The following CACNA1G variants were observed in gnomAD, a reference collection of about 807,000 sequenced individuals.
CACNA1G encodes the protein calcium voltage-gated channel subunit alpha1 G.
CACNA1G carries 67 observed loss-of-function variants against 219.4 expected under a neutral mutation model. The observed-to-expected ratio is 0.31, with a 90% CI of 0.25 to 0.37. CACNA1G has a LOEUF of 0.37. CACNA1G is among the 10% of genes least tolerant of loss of function. The pLI is 1.00. For missense variants in CACNA1G, 2,380 were observed against 3,231.4 expected, an observed-to-expected ratio of 0.74 and a Z score of 6.39; for synonymous variants, 1,296 against 1,345.3, an observed-to-expected ratio of 0.96 and a Z score of 0.80.
At chr17:50,615,661 G>T (rs1436048081) in intron 27 of CACNA1G, 149 bp downstream of exon 27, 2 of 791,250 alleles carry the variant, frequency 2.5e-6, no homozygotes, top group African/African-American at 3.5e-5. Flanking sequence ...TTGGAGGTGG[G>T]TATCATCTTT....
At chr17:50,604,611 G>C (rs990351281) in intron 22 of CACNA1G, among the ~76,000 whole-genome samples, 1 of 152,192 alleles carries the variant, frequency 6.6e-6, no homozygotes, top group Non-Finnish European at 1.5e-5. Flanking sequence ...CTTCCTTCCC[G>C]GCTCGAGCAC....
chr17:50,578,104 T>G lies in CACNA1G; in HGVS notation c.1925-84T>G. ...ATCACTGTAACAACCCCAGACTCCCTGACTCATTTTACACATACTCACAGG... is the reference window on the plus strand; with the variant it reads ...ATCACTGTAACAACCCCAGACTCCCGGACTCATTTTACACATACTCACAGG... On this transcript the variant is annotated intron_variant, in intron 8 of 37. Transcript: ENST00000359106. The surrounding 1 kb of genome is among the most constrained non-coding windows in gnomAD (Gnocchi z 4.5). 1 of 1,458,092 alleles carries G rather than the reference T, an allele frequency of 6.9e-7. No individual in the cohort carries two copies. The highest frequency in any genetic ancestry group is 9.1e-7 in the Non-Finnish European group (1 of 1,102,546). The allele number at this position is 1,458,092 out of a possible 1,614,324, so 90.3% of individuals were successfully genotyped here. A position where few individuals can be genotyped will look rare whatever the true frequency, so the allele number is the denominator to read the frequency against.
Position 50,590,636 on chromosome 17 carries a change from C to T in CACNA1G, c.2453+14C>T, listed in dbSNP as rs763497269. On this transcript the variant is annotated intron_variant, in intron 10 of 37. Coordinates refer to ENST00000359106, the MANE Select transcript of CACNA1G (RefSeq NM_018896.5). ...TGTGGTCATCAGGTATGACTACCCCCCGGCACTGACTCTCAGTTGAGGAAT... is the reference window on the plus strand; with the variant it reads ...TGTGGTCATCAGGTATGACTACCCCTCGGCACTGACTCTCAGTTGAGGAAT... The T allele has an allele frequency of 1.9e-6, 3 of 1,608,234 alleles. No individual in the cohort carries two copies. The highest frequency in any genetic ancestry group is 2.5e-6 in the Non-Finnish European group (3 of 1,178,050).
chr17:50,568,627 C>T (rs2038573555), intron 1 of CACNA1G, among the ~76,000 whole-genome samples: 1 of 152,168 alleles, frequency 6.6e-6, no homozygotes, highest in Non-Finnish European at 1.5e-5. Context: ...GTATTTGTGG[C>T]TTGTCTTCCT....
rs192075804 is a variant in CACNA1G at position 50,614,585 on chromosome 17, G to A, written c.4760-776G>A. ...CATAACTAAGTGGTTCACTAATTACGAGAGAAATATTATGCCTCTGACAGA... is the reference window on the plus strand; with the variant it reads ...CATAACTAAGTGGTTCACTAATTACAAGAGAAATATTATGCCTCTGACAGA... On this transcript the variant is annotated intron_variant, in intron 26 of 37. Transcript: ENST00000359106. Among the ~76,000 whole-genome samples the A allele has an allele frequency of 5.2e-4, 79 of 152,344 alleles. 1 individual carries two copies. Among genetic ancestry groups the A allele is most frequent in the African/African-American group, 1.7e-3 (70 of 41,574 alleles).
intron 35 of CACNA1G, among the ~76,000 whole-genome samples, chr17:50,623,263 A>ATTTTTTTTTTTT (rs35058899): frequency 2.0e-5 from 1 of 50,978 alleles, no homozygotes; most frequent in African/African-American, 9.5e-5. Context: ...TATCCAGCTA[A>ATTTTTTTTTTTT]TTTTTTTTTT....
At chr17:50,580,884 C>T (rs895140442) in intron 9 of CACNA1G, among the ~76,000 whole-genome samples, 5 of 152,102 alleles carry the variant, frequency 3.3e-5, no homozygotes, top group Non-Finnish European at 7.4e-5. Flanking sequence ...GCAGGCACTG[C>T]GGCGTGAACG....
chr17:50,617,529 CCCA>C lies in CACNA1G; in HGVS notation c.5117_5119del (p.Thr1706del). On this transcript the variant is annotated inframe_deletion, in exon 29 of 38. Coordinates refer to ENST00000359106, the MANE Select transcript of CACNA1G (RefSeq NM_018896.5). The surrounding 1 kb of genome is among the most constrained non-coding windows in gnomAD (Gnocchi z 5.8). ...GGTCAACGCCTCGCTGCCCATCAAC[CCCA>C]CCATCATCCGCATCATGAGGGTGCT... The C allele has an allele frequency of 6.2e-7, 1 of 1,614,052 alleles. No individual in the cohort carries two copies. The highest frequency in any genetic ancestry group is 8.5e-7 in the Non-Finnish European group (1 of 1,179,896).
chr17:50,573,113 C>T lies in CACNA1G; in HGVS notation c.1140C>T (p.Ile380=), dbSNP rs778924315. The change falls in exon 7 of 38, where the codon ATC becomes ATT. Residue 380 remains isoleucine (I), a splice_region_variant and synonymous_variant. Transcript: ENST00000359106. ...YNFIYFILLI[I]VGSFFMINLC... is the part of the protein sequence containing the mutation. Reference sequence around the variant, plus strand: ...TCATCTACTTCATCCTCCTCATCATCGTGAGTGACTCCTCAGATCCCCGTG... The same window carrying T: ...TCATCTACTTCATCCTCCTCATCATTGTGAGTGACTCCTCAGATCCCCGTG... The T allele has an allele frequency of 3.8e-6, 6 of 1,562,200 alleles. No individual in the cohort carries two copies. Among genetic ancestry groups the T allele is most frequent in the African/African-American group, 2.7e-5 (2 of 73,780 alleles).
intron 9 of CACNA1G, among the ~76,000 whole-genome samples, chr17:50,588,291 A>G (rs2043409571): frequency 1.7e-5 from 1 of 57,362 alleles, no homozygotes; most frequent in Non-Finnish European, 3.2e-5. Flanking sequence ...CTGACTGTCT[A>G]ATATTCTTGG....
chr17:50,568,736 T>C, intron 1 of CACNA1G, 134 bp from the exon 2 acceptor site: 2 of 719,084 alleles, frequency 2.8e-6, no homozygotes, highest in East Asian at 2.7e-5. Context: ...TCTGCGTGTA[T>C]GTCAGGGCCC....
chr17:50,599,795 C>G lies in CACNA1G; in HGVS notation c.3626C>G (p.Ala1209Gly). The change falls in exon 17 of 38, where the codon GCC (alanine) becomes GGC (glycine). Residue 1209 changes from alanine (A) to glycine (G), a missense_variant. Ala to Gly is a moderately conservative substitution (Grantham distance 60, BLOSUM62 0). This residue lies in a region of CACNA1G where 418 missense variants were observed against 434.3 expected (regional missense o/e 0.96). Transcript: ENST00000359106. Reference protein sequence around the residue: ...CNGKSASGRLARALRPDDPPL... With the variant: ...CNGKSASGRLGRALRPDDPPL... ...GGCAAGTCGGCTTCAGGGCGCCTGG[C>G]CCGGGCCCTGCGGCCTGATGACCCC... The G allele has an allele frequency of 1.2e-6, 2 of 1,612,780 alleles. No individual in the cohort carries two copies. The highest frequency in any genetic ancestry group is 8.5e-7 in the Non-Finnish European group (1 of 1,179,866).
rs567494842 is a variant in CACNA1G, at chr17:50,602,679, G to A, written c.3916-141G>A. ...GGCTCTGTGCGTGTATGAGAGGGGC[G>A]TGATCTACATTGTTGTGGAGGGTGG... On this transcript the variant is annotated intron_variant, in intron 19 of 37. Transcript: ENST00000359106. 24 of 694,674 alleles carry A rather than the reference G, an allele frequency of 3.5e-5. No individual in the cohort carries two copies. The East Asian group carries it at 3.8e-4, about 11-fold the overall frequency. The allele number at this position is 694,674 out of a possible 1,614,324, so 43.0% of individuals were successfully genotyped here. A position where few individuals can be genotyped will look rare whatever the true frequency, so the allele number is the denominator to read the frequency against.
At chr17:50,624,667 C>T in intron 37 of CACNA1G, 138 bp downstream of exon 37, 1 of 890,492 alleles carries the variant, frequency 1.1e-6, no homozygotes, top group East Asian at 2.7e-5. Flanking sequence ...TTGCAGATAC[C>T]AGGGACACAG....
At chr17:50,605,824 G>A in intron 22 of CACNA1G, 74 bp from the exon 23 acceptor site, 2 of 1,557,502 alleles carry the variant, frequency 1.3e-6, no homozygotes, top group African/African-American at 1.4e-5. Context: ...GCTGGCGTGG[G>A]GGTGGGGCTC....
At chr17:50,598,063 G>A (rs899940745) in intron 16 of CACNA1G, among the ~76,000 whole-genome samples, 1 of 151,674 alleles carries the variant, frequency 6.6e-6, no homozygotes, top group Non-Finnish European at 1.5e-5. Flanking sequence ...CCGCTCTGTC[G>A]CCCAGGCTGG....
Position 50,615,612 on chromosome 17 carries a change from C to G in CACNA1G, c.4911+100C>G, listed in dbSNP as rs894605176. ...TGAGCCAGGGTACCTCTGTGCCAAG[C>G]AAGTGCTAGGCACACTACATGGGTT... On this transcript the variant is annotated intron_variant, in intron 27 of 37. Transcript: ENST00000359106. The G allele has an allele frequency of 3.0e-6, 4 of 1,351,862 alleles. No individual in the cohort carries two copies. In the Admixed American group the frequency reaches 6.3e-5, roughly 21 times the overall value. The allele number at this position is 1,351,862 out of a possible 1,614,324, so 83.7% of individuals were successfully genotyped here. A position where few individuals can be genotyped will look rare whatever the true frequency, so the allele number is the denominator to read the frequency against.
chr17:50,623,491 C>G (rs1837797564), intron 35 of CACNA1G, among the ~76,000 whole-genome samples: 1 of 151,950 alleles, frequency 6.6e-6, no homozygotes, highest in African/African-American at 2.4e-5. Context: ...GACACCGGGA[C>G]TCCCTTCAGA....
At chr17:50,585,836 T>TGTCCGC (rs2098582164) in intron 9 of CACNA1G, among the ~76,000 whole-genome samples, 1 of 152,030 alleles carries the variant, frequency 6.6e-6, no homozygotes, top group South Asian at 2.1e-4. Context: ...AGCCTGTCTG[T>TGTCCGC]GCCCCTGTCC....
Sources: allele counts gnomAD v4.1 joint callset (sites outside exome capture counted in the v4.1 genomes callset), GRCh38; gene constraint gnomAD v4.1.1; regional missense constraint gnomAD v4.1.1; non-coding constraint Gnocchi (gnomAD v3.1); transcripts MANE v1.5; gene names NCBI Gene and HGNC (gene_info 2026-07-23, HGNC 2026-07-21).